FBN2: variants seen among roughly 807,000 people sequenced by gnomAD.
FBN2 encodes the protein fibrillin 2.
In FBN2, 105 loss-of-function variants were observed where a neutral mutation model predicts 355.6. The observed-to-expected ratio is 0.30, with a 90% CI of 0.25 to 0.35. The LOEUF (loss-of-function observed/expected upper bound fraction) is 0.35, where lower values mean the gene tolerates loss of function less well. Among genes scored for constraint, FBN2 ranks in the 10% least tolerant of loss-of-function variants. The pLI, the probability that FBN2 is intolerant of heterozygous loss-of-function variation, is 1.00. For synonymous variants in FBN2, 1,350 were observed against 1,301.2 expected (o/e 1.04, Z -0.81); for missense variants, 3,280 against 3,758.7 (o/e 0.87, Z 3.33).
At chr5:128,486,596 T>A (rs763132979) in intron 5 of FBN2, among the ~76,000 whole-genome samples, 2 of 152,208 alleles carry the variant, frequency 1.3e-5, no homozygotes, top group Non-Finnish European at 2.9e-5. Context: ...CCGAGTAGAC[T>A]TCTTACAAGA....
chr5:128,298,987 G>C (rs1749623936), intron 48 of FBN2, among the ~76,000 whole-genome samples: 1 of 152,156 alleles, frequency 6.6e-6, no homozygotes, highest in African/African-American at 2.4e-5. Flanking sequence ...TTTGGTCTTT[G>C]ATGATGGTGA....
In FBN2 at chr5:128,347,677, C is replaced by T. The variant is rs1483001820; in HGVS notation, c.2989+1670G>A. Reference sequence around the variant, plus strand: ...TTGCTTCTTGAAACTTTCTCACATCCCCAGACAGAATTAATTAATATAGCA... The same window carrying T: ...TTGCTTCTTGAAACTTTCTCACATCTCCAGACAGAATTAATTAATATAGCA... On this transcript the variant is annotated intron_variant, in intron 23 of 64. Coordinates refer to ENST00000262464, the MANE Select transcript of FBN2 (RefSeq NM_001999.4). Among the ~76,000 whole-genome samples the T allele has an allele frequency of 2.6e-5, 4 of 152,092 alleles. No homozygotes were observed. The East Asian group carries it at 7.7e-4, about 29-fold the overall frequency.
chr5:128,426,916 G>A (rs1753498210), intron 7 of FBN2, among the ~76,000 whole-genome samples: 1 of 152,082 alleles, frequency 6.6e-6, no homozygotes. Context: ...TCTAAATGTT[G>A]AAATGTTCTA....
At chr5:128,295,601 G>T (rs1395326643) in intron 48 of FBN2, among the ~76,000 whole-genome samples, 8 of 127,498 alleles carry the variant, frequency 6.3e-5, no homozygotes, top group Non-Finnish European at 1.3e-4. Context: ...TGAAGCAATT[G>T]TGAATGGGAG....
In FBN2 at chr5:128,258,168, G is replaced by A. The variant is rs1030371180; in HGVS notation, c.*1287C>T. On this transcript the variant is annotated 3_prime_UTR_variant, in exon 65 of 65. Coordinates refer to ENST00000262464, the MANE Select transcript of FBN2 (RefSeq NM_001999.4). ...TGTGCTTTGGCCATTTCACATATGA[G>A]GTTTGGTCACTGGTCCAGGAAACAG... The A allele has an allele frequency of 6.6e-6, 1 of 152,540 alleles. No individual in the cohort carries two copies. The highest frequency in any genetic ancestry group is 1.5e-5 in the Non-Finnish European group (1 of 68,050). 9.4% of individuals were successfully genotyped at this position (152,540 alleles called of 1,614,324 possible).
chr5:128,259,172 C>T lies in FBN2; in HGVS notation c.*283G>A, dbSNP rs950488682. 4 of 385,028 alleles carry T rather than the reference C, an allele frequency of 1.0e-5. No individual in the cohort carries two copies. The highest frequency in any genetic ancestry group is 4.8e-5 in the East Asian group (1 of 20,778). 23.9% of individuals were successfully genotyped at this position (385,028 alleles called of 1,614,324 possible). On this transcript the variant is annotated 3_prime_UTR_variant, in exon 65 of 65. Transcript: ENST00000262464. ...TCACATTATTTTTGTGCATTTAGTG[C>T]CATATGCTGATATCTTGAACATTTA...
chr5:128,510,120 C>T (rs1756074458), intron 5 of FBN2, among the ~76,000 whole-genome samples: 3 of 152,168 alleles, frequency 2.0e-5, no homozygotes, highest in African/African-American at 4.8e-5. Context: ...CTTAGGGAGT[C>T]TGCTAGGCCG....
At chr5:128,477,598 C>G (rs1581330667) in intron 5 of FBN2, among the ~76,000 whole-genome samples, 2 of 152,296 alleles carry the variant, frequency 1.3e-5, no homozygotes, top group South Asian at 2.1e-4. Flanking sequence ...TTTACTTAAT[C>G]TGTACAATAA....
At chr5:128,477,811 G>A (rs1268956037) in intron 5 of FBN2, among the ~76,000 whole-genome samples, 2 of 152,180 alleles carry the variant, frequency 1.3e-5, no homozygotes, top group Non-Finnish European at 2.9e-5. Context: ...TGGTGCGAGG[G>A]GGCTGGGGGG....
chr5:128,466,464 A>G (rs962587227), intron 5 of FBN2, among the ~76,000 whole-genome samples: 7 of 152,202 alleles, frequency 4.6e-5, no homozygotes, highest in Non-Finnish European at 8.8e-5. Flanking sequence ...TTTCTAGGAA[A>G]ATCAAACTTG....
chr5:128,362,355 TCA>T (rs1454636958), intron 18 of FBN2, among the ~76,000 whole-genome samples: 1 of 152,212 alleles, frequency 6.6e-6, no homozygotes, highest in Non-Finnish European at 1.5e-5. Context: ...TGTTTTTATC[TCA>T]GAAACAGTTA....
In FBN2 at chr5:128,311,329, T is replaced by C. The variant is rs769474473; in HGVS notation, c.5045A>G (p.Tyr1682Cys). ...SFQCECPQGY[Y>C]LSEDTRICED... The stretch of plus-strand genomic sequence containing the variant: ...ACAGATGCGGGTATCCTCGCTGAGG[T>C]AGTAGCCTTGTGGGCACTCACACTG... The change falls in exon 39 of 65, where the codon TAC (tyrosine) becomes TGC (cysteine). Residue 1682 changes from tyrosine (Y) to cysteine (C), a missense_variant. Physicochemically the swap from Tyr to Cys is radical, Grantham distance 194. Around this residue, in one of 6 missense-constraint regions of FBN2, gnomAD observed 2,284 missense variants for 2,749.5 expected, o/e 0.83. Transcript: ENST00000262464. 2 of 1,614,008 alleles carry C rather than the reference T, an allele frequency of 1.2e-6. No individual in the cohort carries two copies. The highest frequency in any genetic ancestry group is 1.1e-5 in the South Asian group (1 of 91,086).
chr5:128,469,267 G>C (rs561875044), intron 5 of FBN2, among the ~76,000 whole-genome samples: 1 of 152,266 alleles, frequency 6.6e-6, no homozygotes, highest in East Asian at 1.9e-4. Context: ...GGTGCACCTA[G>C]GGTAGTGTGT....
intron 49 of FBN2, 58 bp downstream of exon 49, chr5:128,291,471 A>G: frequency 1.9e-6 from 3 of 1,591,378 alleles, no homozygotes; most frequent in Non-Finnish European, 2.6e-6. Context: ...ATGGTTTACA[A>G]TTCAGCTTTA....
chr5:128,427,777 G>C (rs331084), intron 7 of FBN2, among the ~76,000 whole-genome samples: 1 of 151,862 alleles, frequency 6.6e-6, no homozygotes, highest in African/African-American at 2.4e-5. Context: ...CCATTGGAGA[G>C]TCCGGGTCTG....
chr5:128,313,180 G>A (rs1187748685), intron 36 of FBN2, among the ~76,000 whole-genome samples: 1 of 152,132 alleles, frequency 6.6e-6, no homozygotes, highest in East Asian at 1.9e-4. Flanking sequence ...AGCTAACTTT[G>A]CAGGTTTTGG....
chr5:128,489,032 G>A (rs1289652415), intron 5 of FBN2, among the ~76,000 whole-genome samples: 1 of 151,978 alleles, frequency 6.6e-6, no homozygotes, highest in Admixed American at 6.6e-5. Context: ...GGGATGGCTG[G>A]GTCAAATGGT....
chr5:128,320,907 A>G (rs555326766), intron 34 of FBN2, among the ~76,000 whole-genome samples: 1 of 152,342 alleles, frequency 6.6e-6, no homozygotes, highest in East Asian at 1.9e-4. Context: ...TATACAATAA[A>G]TTATAAGAAA....
intron 7 of FBN2, chr5:128,446,056 C>A (rs957242701): frequency 1.3e-5 from 2 of 159,604 alleles, no homozygotes; most frequent in African/African-American, 4.8e-5. Flanking sequence ...TTCAGTATAC[C>A]AATTAGAGTA....
Sources: gnomAD v4.1 joint callset for allele counts (sites outside exome capture counted in the v4.1 genomes callset) on GRCh38, gnomAD v4.1.1 for gene constraint, gnomAD v4.1.1 regional missense constraint, MANE v1.5 for transcripts, NCBI Gene and HGNC (gene_info 2026-07-23, HGNC 2026-07-21) for gene names.